The following SRGAP1 variants were observed in gnomAD, a reference collection of about 807,000 sequenced individuals.
The protein encoded by SRGAP1 is SLIT-ROBO Rho GTPase-activating protein 1.
SRGAP1 carries 43 observed loss-of-function variants against 121.9 expected under a neutral mutation model. The observed-to-expected ratio is 0.35, with a 90% CI of 0.28 to 0.46. The LOEUF is 0.46. SRGAP1 is among the 20% of genes least tolerant of loss of function. The pLI is 1.00. For missense variants in SRGAP1, 1,102 were observed against 1,350.9 expected (o/e 0.82, Z 2.89); for synonymous variants, 447 against 485.4 (o/e 0.92, Z 1.04).
chr12:64,069,936 C>T (rs1164387203), intron 8 of SRGAP1, among the ~76,000 whole-genome samples: 1 of 152,068 alleles, frequency 6.6e-6, no homozygotes. Context: ...ACAGGGTCTC[C>T]CTGTGTTCCC....
intron 1 of SRGAP1, among the ~76,000 whole-genome samples, chr12:63,881,449 A>G (rs1402646718): frequency 6.6e-6 from 1 of 152,230 alleles, no homozygotes; most frequent in East Asian, 1.9e-4. Context: ...GGACCAGTAG[A>G]GTTCATAGCA....
rs549479973 is a variant in SRGAP1, at chr12:63,851,291, A to G, written c.67+6408A>G. On this transcript the variant is annotated intron_variant, in intron 1 of 21. Transcript: ENST00000355086. ...AGACTGGGAAGAAACAGAACATGGT[A>G]TTTAAAACCAGGAACTCTGGGCCAA... is the stretch of plus-strand genomic sequence containing the variant. Among the ~76,000 whole-genome samples the G allele has an allele frequency of 7.1e-4, 108 of 152,264 alleles. 1 individual carries two copies. In the South Asian group the frequency reaches 9.3e-3, roughly 13 times the overall value.
chr12:63,922,219 T>TC (rs761592220), intron 1 of SRGAP1, among the ~76,000 whole-genome samples: 7 of 152,144 alleles, frequency 4.6e-5, no homozygotes, highest in Non-Finnish European at 8.8e-5. Flanking sequence ...CCTCAAGTGA[T>TC]CCACCCACCT....
intron 1 of SRGAP1, among the ~76,000 whole-genome samples, chr12:63,891,207 T>C (rs192969293): frequency 2.1e-4 from 32 of 152,288 alleles, no homozygotes; most frequent in African/African-American, 7.7e-4. Flanking sequence ...CCAGTGGCCT[T>C]CACCGCCACA....
chr12:63,959,854 A>C (rs1016614777), intron 1 of SRGAP1, among the ~76,000 whole-genome samples: 1 of 152,176 alleles, frequency 6.6e-6, no homozygotes, highest in African/African-American at 2.4e-5. Flanking sequence ...GTGGCAAAGG[A>C]GTGTTGGAAC....
intron 1 of SRGAP1, among the ~76,000 whole-genome samples, chr12:63,911,437 C>G (rs1192139355): frequency 6.6e-6 from 1 of 152,152 alleles, no homozygotes. Flanking sequence ...AACCTTGCAT[C>G]TATCTCTGCA....
chr12:64,028,859 A>G (rs959734965), intron 4 of SRGAP1, among the ~76,000 whole-genome samples: 1 of 152,216 alleles, frequency 6.6e-6, no homozygotes, highest in Non-Finnish European at 1.5e-5. Flanking sequence ...CAGATGTGAT[A>G]GAAGAGTGGG....
chr12:64,128,271 T>G, intron 21 of SRGAP1, 71 bp downstream of exon 21: 1 of 1,332,440 alleles, frequency 7.5e-7, no homozygotes, highest in South Asian at 1.5e-5. Flanking sequence ...AAAGATTTAC[T>G]TTATTTACTT....
chr12:63,961,866 C>T (rs941762858), intron 1 of SRGAP1, among the ~76,000 whole-genome samples: 2 of 152,164 alleles, frequency 1.3e-5, no homozygotes, highest in Non-Finnish European at 2.9e-5. Flanking sequence ...GATGGAGTGA[C>T]GGAGGTCGGG....
chr12:64,085,091 C>G (rs972046750), intron 10 of SRGAP1, among the ~76,000 whole-genome samples: 2 of 152,102 alleles, frequency 1.3e-5, no homozygotes, highest in South Asian at 4.2e-4. Context: ...CATTATAGTT[C>G]CTGGGATCTC....
chr12:64,087,707 G>A (rs2035974560), intron 11 of SRGAP1, among the ~76,000 whole-genome samples: 1 of 152,116 alleles, frequency 6.6e-6, no homozygotes. Context: ...CCACACTCCA[G>A]CCTGGGCAAG....
At chr12:64,109,328 A>G (rs963670855) in intron 16 of SRGAP1, among the ~76,000 whole-genome samples, 11 of 152,098 alleles carry the variant, frequency 7.2e-5, no homozygotes, top group African/African-American at 2.7e-4. Flanking sequence ...TGTTTTTCAG[A>G]CTTTCATCCA....
chr12:63,973,003 C>T (rs556032471), intron 1 of SRGAP1, among the ~76,000 whole-genome samples: 7 of 152,058 alleles, frequency 4.6e-5, no homozygotes, highest in Admixed American at 3.3e-4. Flanking sequence ...AAAAATTAGC[C>T]GGGCATGGTG....
At chr12:64,105,635 T>C (rs1473626678) in intron 15 of SRGAP1, among the ~76,000 whole-genome samples, 1 of 151,974 alleles carries the variant, frequency 6.6e-6, no homozygotes. Flanking sequence ...AATACAAAAA[T>C]TAGTCAGGCA....
At chr12:63,925,249 C>T (rs1193244402) in intron 1 of SRGAP1, among the ~76,000 whole-genome samples, 1 of 152,156 alleles carries the variant, frequency 6.6e-6, no homozygotes, top group African/African-American at 2.4e-5. Context: ...CTACTGCTGA[C>T]ATTATTATAA....
intron 1 of SRGAP1, among the ~76,000 whole-genome samples, chr12:63,884,995 C>T (rs557600038): frequency 1.3e-5 from 2 of 152,226 alleles, no homozygotes; most frequent in East Asian, 1.9e-4. Flanking sequence ...GCTGGGATTA[C>T]AGGCGTGAGC....
At chr12:63,853,049 C>T (rs1368146710) in intron 1 of SRGAP1, among the ~76,000 whole-genome samples, 2 of 149,460 alleles carry the variant, frequency 1.3e-5, no homozygotes, top group African/African-American at 4.9e-5. Flanking sequence ...GATGGAGTTT[C>T]ACTCTTGTTG....
chr12:64,084,571 G>A (rs1165124821), intron 10 of SRGAP1, among the ~76,000 whole-genome samples: 2 of 149,344 alleles, frequency 1.3e-5, no homozygotes, highest in Admixed American at 6.9e-5. Context: ...CGATGGATGT[G>A]GTAGTGTGGT....
At chr12:64,104,522 C>G (rs2036308649) in intron 15 of SRGAP1, among the ~76,000 whole-genome samples, 1 of 152,192 alleles carries the variant, frequency 6.6e-6, no homozygotes, top group South Asian at 2.1e-4. Context: ...AACACACATT[C>G]ATCAGGGTGT....
Sources: allele counts gnomAD v4.1 joint callset (sites outside exome capture counted in the v4.1 genomes callset), GRCh38; gene constraint gnomAD v4.1.1; transcripts MANE v1.5; gene names NCBI Gene and HGNC (gene_info 2026-07-23, HGNC 2026-07-21).